Variants in EPM2A observed in about 807,000 individuals in gnomAD.
EPM2A encodes laforin.
A neutral mutation model predicts 26.5 loss-of-function variants in EPM2A; 21 were observed. The observed-to-expected ratio is 0.79, with a 90% CI of 0.56 to 1.14. The LOEUF (loss-of-function observed/expected upper bound fraction) is 1.14, where lower values mean the gene tolerates loss of function less well. Ranked by LOEUF, EPM2A falls within the 50% of genes most tolerant of loss-of-function variation. The pLI is 0.00. For missense variants in EPM2A, 458 were observed against 440.8 expected, an observed-to-expected ratio of 1.04 and a Z score of -0.35; for synonymous variants, 217 against 177.6, an observed-to-expected ratio of 1.22 and a Z score of -1.76.
At chr6:145,463,973 C>G (rs1173360415) in intron 4 of EPM2A, among the ~76,000 whole-genome samples, 1 of 152,052 alleles carries the variant, frequency 6.6e-6, no homozygotes, top group African/African-American at 2.4e-5. Flanking sequence ...GGCTGTTTCC[C>G]CCATGCTGTT....
At chr6:145,724,393 T>G (rs1203095225) in intron 1 of EPM2A, among the ~76,000 whole-genome samples, 1 of 152,132 alleles carries the variant, frequency 6.6e-6, no homozygotes, top group Non-Finnish European at 1.5e-5. Flanking sequence ...TGGAGAAATA[T>G]TCTATGTTCA....
At chr6:145,673,207 A>C (rs1005380875) in intron 2 of EPM2A, among the ~76,000 whole-genome samples, 1 of 152,220 alleles carries the variant, frequency 6.6e-6, no homozygotes, top group African/African-American at 2.4e-5. Flanking sequence ...TTTTTAAAAA[A>C]CTCAAACTTA....
chr6:145,555,189 G>C (rs1358380444), intron 2 of EPM2A, among the ~76,000 whole-genome samples: 3 of 152,036 alleles, frequency 2.0e-5, no homozygotes, highest in Admixed American at 2.0e-4. Flanking sequence ...TTGGCACAGT[G>C]TCTACAAGAA....
At position 145,486,614 on chromosome 6, in the gene EPM2A, C is replaced by T. The variant is rs1017135761; in HGVS notation, c.555+15908G>A. 5.9e-5 allele frequency among the ~76,000 whole-genome samples: 9 copies of T among 152,132 alleles called. No individual in the cohort carries two copies. The South Asian group carries it at 1.9e-3, about 32-fold the overall frequency. On this transcript the variant is annotated intron_variant, in intron 4 of 4. Coordinates refer to the EPM2A transcript ENST00000638717. ...TTCTCCCTTTTTTCTCCCCCAAACC[C>T]GCTAACCACGGTTTTATTGTGGTTC...
At chr6:145,519,660 GA>G (rs1347928875) in intron 2 of EPM2A, among the ~76,000 whole-genome samples, 1 of 152,174 alleles carries the variant, frequency 6.6e-6, no homozygotes, top group African/African-American at 2.4e-5. Flanking sequence ...AGTGACCCCA[GA>G]ATGTAAGTTT....
chr6:145,677,308 A>G (rs558367591), intron 2 of EPM2A, among the ~76,000 whole-genome samples: 1 of 152,350 alleles, frequency 6.6e-6, no homozygotes, highest in African/African-American at 2.4e-5. Flanking sequence ...TATTTATGAC[A>G]AACCCACAGC....
At chr6:145,432,432 T>C (rs1274840642) in intron 4 of EPM2A, among the ~76,000 whole-genome samples, 1 of 152,172 alleles carries the variant, frequency 6.6e-6, no homozygotes, top group African/African-American at 2.4e-5. Context: ...ACCACATTAA[T>C]TTCCTTTTAC....
chr6:145,714,788 C>T (rs1017248761), intron 1 of EPM2A, among the ~76,000 whole-genome samples: 8 of 152,176 alleles, frequency 5.3e-5, no homozygotes, highest in Admixed American at 5.2e-4. Context: ...GAGACTTATT[C>T]ACTATCACGA....
chr6:145,422,328 T>C (rs1484727669), intron 4 of EPM2A, among the ~76,000 whole-genome samples: 11 of 148,460 alleles, frequency 7.4e-5, no homozygotes, highest in Non-Finnish European at 1.5e-5. Flanking sequence ...TGTATATACA[T>C]ATATAATTAG....
intron 4 of EPM2A, chr6:145,384,222 C>T (rs1778227928): frequency 1.3e-5 from 2 of 152,126 alleles, no homozygotes; most frequent in Admixed American, 6.6e-5. Context: ...TTGCAAGTCC[C>T]TAGTTTTTCT....
At chr6:145,481,384 T>G (rs1779609891) in intron 4 of EPM2A, among the ~76,000 whole-genome samples, 1 of 152,100 alleles carries the variant, frequency 6.6e-6, no homozygotes, top group Admixed American at 6.6e-5. Flanking sequence ...GAAGGGAAGG[T>G]CCAAAATGAT....
intron 2 of EPM2A, among the ~76,000 whole-genome samples, chr6:145,584,708 T>C (rs74769226): frequency 0.032 from 4,826 of 152,260 alleles, 88 homozygotes; most frequent in African/African-American, 0.056. Context: ...CCCCCATGAC[T>C]CACTGAGGGT....
chr6:145,626,945 G>A lies in EPM2A; in HGVS notation c.*471C>T, dbSNP rs879557156. The A allele has an allele frequency of 8.7e-6, 9 of 1,029,072 alleles. No individual in the cohort carries two copies. The highest frequency in any genetic ancestry group is 9.3e-6 in the Non-Finnish European group (8 of 855,758). 63.7% of individuals were successfully genotyped at this position (1,029,072 alleles called of 1,614,324 possible). On this transcript the variant is annotated 3_prime_UTR_variant, in exon 4 of 4. Coordinates refer to ENST00000367519, the MANE Select transcript of EPM2A (RefSeq NM_005670.4). ...CATAGTGAGCTCTTCTTTTGTAACG[G>A]TTCAGGCTTCTAACCTTATTTCCTC... is the stretch of plus-strand genomic sequence containing the variant.
intron 4 of EPM2A, among the ~76,000 whole-genome samples, chr6:145,452,028 C>T (rs9399547): frequency 0.65 from 98,235 of 151,954 alleles, 33,271 homozygotes; most frequent in East Asian, 0.8. Flanking sequence ...TTCTCCTTCC[C>T]GTGTCAGTAC....
intron 1 of EPM2A, among the ~76,000 whole-genome samples, chr6:145,717,391 GA>G (rs1775691501): frequency 1.3e-5 from 2 of 152,238 alleles, no homozygotes; most frequent in South Asian, 4.1e-4. Context: ...AATAGATGCA[GA>G]AAAGGCCTTT....
chr6:145,419,203 C>T (rs1778750627), intron 4 of EPM2A, among the ~76,000 whole-genome samples: 1 of 146,982 alleles, frequency 6.8e-6, no homozygotes, highest in African/African-American at 2.5e-5. Context: ...CTCCTTTCCC[C>T]AGCAGCGCAT....
chr6:145,468,480 A>G (rs1779429175), intron 4 of EPM2A, among the ~76,000 whole-genome samples: 2 of 152,160 alleles, frequency 1.3e-5, no homozygotes, highest in African/African-American at 2.4e-5. Context: ...ATAAATAGAT[A>G]CAAATGGATA....
At chr6:145,531,784 C>T (rs979093893) in intron 2 of EPM2A, among the ~76,000 whole-genome samples, 1 of 152,208 alleles carries the variant, frequency 6.6e-6, no homozygotes, top group Non-Finnish European at 1.5e-5. Flanking sequence ...AGTCAGAAGA[C>T]TCAGCAAATT....
intron 4 of EPM2A, among the ~76,000 whole-genome samples, chr6:145,471,994 G>A (rs1779479963): frequency 6.6e-6 from 1 of 150,944 alleles, no homozygotes; most frequent in Non-Finnish European, 1.5e-5. Flanking sequence ...GGTACTTTAA[G>A]AGATGCCTTC....
Sources: gnomAD v4.1 joint callset for allele counts (sites outside exome capture counted in the v4.1 genomes callset) on GRCh38, gnomAD v4.1.1 for gene constraint, MANE v1.5 for transcripts, NCBI Gene and HGNC (gene_info 2026-07-23, HGNC 2026-07-21) for gene names.